Variants in CNOT4 observed in about 807,000 individuals in gnomAD.
CNOT4 encodes CCR4-associated factor 4.
In CNOT4, 8 loss-of-function variants were observed where a neutral mutation model predicts 73.8. The ratio of observed to expected loss-of-function variants is 0.11; its 90% confidence interval spans 0.06 to 0.20. The LOEUF is 0.20. Among genes scored for constraint, CNOT4 ranks in the 10% least tolerant of loss-of-function variants. The pLI is 1.00. For missense variants in CNOT4, 564 were observed against 883.4 expected (o/e 0.64, Z 4.58); for synonymous variants, 293 against 321.1 (o/e 0.91, Z 0.94).
At chr7:135,487,257 G>C (rs1205788579) in intron 1 of CNOT4, among the ~76,000 whole-genome samples, 2 of 146,404 alleles carry the variant, frequency 1.4e-5, no homozygotes, top group Non-Finnish European at 3.0e-5. Context: ...TCTTATTTTT[G>C]GAGACAGGGT....
chr7:135,479,575 A>G lies in CNOT4; in HGVS notation c.-93+30314T>C, dbSNP rs192949423. Among the ~76,000 whole-genome samples the G allele has an allele frequency of 5.6e-4, 85 of 151,926 alleles. 1 individual carries two copies. The highest frequency in any genetic ancestry group is 1.8e-3 in the African/African-American group (75 of 41,416). ...ACTGGAGTTATTATTTATAATTTGTATTTTTTTAAAGAATTTGACTCAAAA... is the reference window on the plus strand; with the variant it reads ...ACTGGAGTTATTATTTATAATTTGTGTTTTTTTAAAGAATTTGACTCAAAA... On this transcript the variant is annotated intron_variant, in intron 1 of 11. Coordinates refer to ENST00000541284, the MANE Select transcript of CNOT4 (RefSeq NM_001190850.2).
rs79332061 is a variant in CNOT4 at position 135,446,288 on chromosome 7, T to A, written c.-92-7865A>T. Among the ~76,000 whole-genome samples, 90 of 152,294 alleles carry A rather than the reference T, an allele frequency of 5.9e-4. 1 individual carries two copies. In the East Asian group the frequency reaches 0.017, roughly 28 times the overall value. ...AGAAGAATGGGGAGTTATTACTTAA[T>A]TTAACAGAGTTTCTGTTTGAGATGC... On this transcript the variant is annotated intron_variant, in intron 1 of 11. Coordinates refer to ENST00000541284, the MANE Select transcript of CNOT4 (RefSeq NM_001190850.2).
rs1052651027 is a variant in CNOT4 at position 135,504,348 on chromosome 7, T to C, written c.-93+5541A>G. Among the ~76,000 whole-genome samples, 15 of 150,862 alleles carry C rather than the reference T, an allele frequency of 9.9e-5. No individual in the cohort carries two copies. In the South Asian group the frequency reaches 2.9e-3, roughly 30 times the overall value. The stretch of plus-strand genomic sequence containing the variant: ...TCTCACTCTGTCACCCAGGCTAGAG[T>C]GCAATGGCGCAATCTCAGATCACTG... On this transcript the variant is annotated intron_variant, in intron 1 of 11. Transcript: ENST00000541284.
intron 1 of CNOT4, chr7:135,509,458 G>C (rs534535667): frequency 2.6e-5 from 4 of 152,710 alleles, no homozygotes; most frequent in African/African-American, 9.7e-5. Context: ...ACACGGATCA[G>C]AGTGGAAGTG....
intron 1 of CNOT4, among the ~76,000 whole-genome samples, chr7:135,498,155 T>G (rs562809834): frequency 6.6e-6 from 1 of 150,376 alleles, no homozygotes; most frequent in Non-Finnish European, 1.5e-5. Context: ...GTAGGAAGCC[T>G]GGTTCCATAC....
At chr7:135,405,710 T>G (rs111506743) in intron 7 of CNOT4, among the ~76,000 whole-genome samples, 2,860 of 152,262 alleles carry the variant, frequency 0.019, 92 homozygotes, top group African/African-American at 0.065. Flanking sequence ...CTAGGTGAAA[T>G]AAGAGTAAAA....
chr7:135,407,530 A>G (rs1042319702), intron 7 of CNOT4, among the ~76,000 whole-genome samples: 8 of 152,248 alleles, frequency 5.3e-5, no homozygotes, highest in African/African-American at 1.9e-4. Context: ...AACACCTGCT[A>G]GTGCTACCAG....
intron 10 of CNOT4, among the ~76,000 whole-genome samples, chr7:135,392,828 C>T (rs1159769152): frequency 6.6e-6 from 1 of 152,148 alleles, no homozygotes; most frequent in Non-Finnish European, 1.5e-5. Context: ...CCAAAGGGAA[C>T]AGGGATAAAG....
intron 10 of CNOT4, among the ~76,000 whole-genome samples, chr7:135,393,685 G>C (rs1796519212): frequency 6.6e-6 from 1 of 152,008 alleles, no homozygotes; most frequent in South Asian, 2.1e-4. Flanking sequence ...ATCCTATTAA[G>C]TAAAATGCTT....
intron 10 of CNOT4, among the ~76,000 whole-genome samples, chr7:135,367,843 CCAAA>C (rs1276970400): frequency 6.6e-6 from 1 of 151,880 alleles, no homozygotes; most frequent in African/African-American, 2.4e-5. Flanking sequence ...AATCAAGTTA[CCAAA>C]CATTTTATAT....
At chr7:135,487,300 C>T (rs1802788163) in intron 1 of CNOT4, among the ~76,000 whole-genome samples, 1 of 151,908 alleles carries the variant, frequency 6.6e-6, no homozygotes, top group Non-Finnish European at 1.5e-5. Context: ...TGCAGTGATG[C>T]CATCACAGCT....
At chr7:135,415,093 G>T in intron 4 of CNOT4, 83 bp downstream of exon 4, 1 of 806,896 alleles carries the variant, frequency 1.2e-6, no homozygotes, top group Non-Finnish European at 2.1e-6. Flanking sequence ...TTTCTAATCA[G>T]AGAGAGCAAA....
chr7:135,441,658 T>G (rs1381667316), intron 1 of CNOT4, among the ~76,000 whole-genome samples: 1 of 152,172 alleles, frequency 6.6e-6, no homozygotes, highest in Non-Finnish European at 1.5e-5. Flanking sequence ...TATTAGAGTT[T>G]TAGTGAAATA....
intron 1 of CNOT4, among the ~76,000 whole-genome samples, chr7:135,467,744 C>T (rs928088811): frequency 1.3e-5 from 2 of 151,630 alleles, no homozygotes; most frequent in African/African-American, 4.9e-5. Context: ...AGATAAAAAA[C>T]TTCTGGAAAA....
At chr7:135,398,295 C>CAAAAAA in intron 7 of CNOT4, 69 bp from the exon 8 acceptor site, 1 of 755,426 alleles carries the variant, frequency 1.3e-6, no homozygotes, top group Admixed American at 2.6e-5. Flanking sequence ...ACAAACTCCT[C>CAAAAAA]AAAAGAAAAA....
At chr7:135,456,682 A>C (rs1800548417) in intron 1 of CNOT4, among the ~76,000 whole-genome samples, 1 of 152,080 alleles carries the variant, frequency 6.6e-6, no homozygotes. Context: ...TAGATTACTT[A>C]TAACTCGGTA....
chr7:135,464,770 T>A (rs974645014), intron 1 of CNOT4, among the ~76,000 whole-genome samples: 7 of 151,716 alleles, frequency 4.6e-5, no homozygotes, highest in African/African-American at 1.4e-4. Context: ...AAATAAAAAA[T>A]AAAATAATTT....
chr7:135,420,834 T>TA (rs535666272), intron 3 of CNOT4, among the ~76,000 whole-genome samples: 263 of 147,934 alleles, frequency 1.8e-3, no homozygotes, highest in Middle Eastern at 3.5e-3. Context: ...ACCACTAGCT[T>TA]AAAAAAAAAA....
chr7:135,433,779 C>G (rs1798994710), intron 2 of CNOT4, among the ~76,000 whole-genome samples: 1 of 152,172 alleles, frequency 6.6e-6, no homozygotes, highest in South Asian at 2.1e-4. Flanking sequence ...GGAATCAATA[C>G]AGAATGCCAC....
Sources: gnomAD v4.1 joint callset for allele counts (sites outside exome capture counted in the v4.1 genomes callset) on GRCh38, gnomAD v4.1.1 for gene constraint, MANE v1.5 for transcripts, NCBI Gene and HGNC (gene_info 2026-07-23, HGNC 2026-07-21) for gene names.